The following RADX variants were observed in gnomAD, a reference collection of about 807,000 sequenced individuals.
RADX encodes the protein RPA1 related single stranded DNA binding protein, X-linked.
RADX carries 36 observed loss-of-function variants against 61.6 expected under a neutral mutation model. The observed-to-expected ratio is 0.58, with a 90% CI of 0.45 to 0.77. The LOEUF (loss-of-function observed/expected upper bound fraction) is 0.77. Ranked by LOEUF, RADX falls within the 30% of genes least tolerant of loss-of-function variation. The probability of loss-of-function intolerance (pLI) is 0.00; values close to 1 mark genes in which losing one functional copy is unlikely to be tolerated. For missense variants in RADX, 497 were observed against 651.1 expected (o/e 0.76, Z 2.58); for synonymous variants, 272 against 237.9 (o/e 1.14, Z -1.32).
At chrX:106,614,265 T>G (rs1926747039) in intron 1 of RADX, among the ~76,000 whole-genome samples, 1 of 111,865 alleles carries the variant, frequency 8.9e-6, no homozygotes, top group African/African-American at 3.2e-5. Flanking sequence ...GTTGTGTATT[T>G]TTTTAAAAAA....
rs762217023 is a variant in RADX at position 106,625,076 on chromosome X, C to T, written c.787-14C>T. 4 of 1,138,400 alleles carry T rather than the reference C, an allele frequency of 3.5e-6. No individual in the cohort carries two copies. In the East Asian group the frequency reaches 9.3e-5, roughly 26 times the overall value. The allele number at this position is 1,138,400 out of a possible 1,213,427, so 93.8% of individuals were successfully genotyped here. A position where few individuals can be genotyped will look rare whatever the true frequency, so the allele number is the denominator to read the frequency against. Reference sequence around the variant, plus strand: ...TGACAAATATGTATGTGCTTTTACTCATTTTCTTTCTAGACCTTTTTGGAA... The same window carrying T: ...TGACAAATATGTATGTGCTTTTACTTATTTTCTTTCTAGACCTTTTTGGAA... On this transcript the variant is annotated splice_polypyrimidine_tract_variant and intron_variant, in intron 2 of 13. Coordinates refer to ENST00000372548, the MANE Select transcript of RADX (RefSeq NM_018015.6).
At chrX:106,664,708 C>T (rs1338610280) in intron 12 of RADX, among the ~76,000 whole-genome samples, 1 of 109,077 alleles carries the variant, frequency 9.2e-6, no homozygotes, top group Admixed American at 9.9e-5. Flanking sequence ...CATACAGTCT[C>T]GGTGGGAGGG....
intron 11 of RADX, among the ~76,000 whole-genome samples, chrX:106,650,846 A>G (rs1273296816): frequency 8.9e-6 from 1 of 112,021 alleles, no homozygotes; most frequent in Non-Finnish European, 1.9e-5. Flanking sequence ...GTAGAATAAT[A>G]GATAAATGCA....
chrX:106,615,135 G>GGCCT (rs1306616807), intron 1 of RADX, among the ~76,000 whole-genome samples: 2 of 111,851 alleles, frequency 1.8e-5, no homozygotes, highest in Non-Finnish European at 3.8e-5. Flanking sequence ...ACTCTACCGG[G>GGCCT]GTCTGGAAGG....
chrX:106,656,135 A>G (rs944621230), intron 11 of RADX, among the ~76,000 whole-genome samples: 7 of 112,172 alleles, frequency 6.2e-5, no homozygotes, highest in Non-Finnish European at 9.4e-5. Context: ...TCATTTTAAC[A>G]GTGTTCACGA....
intron 11 of RADX, among the ~76,000 whole-genome samples, chrX:106,661,354 G>GT (rs1928087660): frequency 1.1e-5 from 1 of 92,464 alleles, no homozygotes; most frequent in African/African-American, 4.7e-5. Context: ...TTTCGTTTTT[G>GT]TTTTGTTTTT....
chrX:106,617,020 GTTTTTTTT>G (rs60413185), intron 1 of RADX, among the ~76,000 whole-genome samples: 7 of 54,544 alleles, frequency 1.3e-4, no homozygotes. Context: ...GTGTGTGTGG[GTTTTTTTT>G]TTTTTTTTTT....
intron 10 of RADX, among the ~76,000 whole-genome samples, chrX:106,642,088 T>C (rs1310034571): frequency 9.0e-6 from 1 of 111,276 alleles, no homozygotes; most frequent in Non-Finnish European, 1.9e-5. Context: ...ATTTTTAATT[T>C]ATTTTTTAAA....
intron 12 of RADX, among the ~76,000 whole-genome samples, chrX:106,662,811 A>C (rs1603058913): frequency 9.0e-6 from 1 of 111,055 alleles, no homozygotes; most frequent in East Asian, 2.8e-4. Context: ...TTATTGAAAA[A>C]ACTGCCCTTG....
chrX:106,628,056 G>A (rs750390301), intron 3 of RADX, among the ~76,000 whole-genome samples: 8 of 110,855 alleles, frequency 7.2e-5, no homozygotes, highest in Admixed American at 1.9e-4. Flanking sequence ...GGCTGTACTC[G>A]AACTCCTGAC....
chrX:106,627,530 T>A (rs1021951042), intron 3 of RADX, among the ~76,000 whole-genome samples: 4 of 111,006 alleles, frequency 3.6e-5, no homozygotes, highest in African/African-American at 1.3e-4. Flanking sequence ...TTAACTGTAG[T>A]CACCATCCAA....
chrX:106,651,375 C>T (rs191289612), intron 11 of RADX, among the ~76,000 whole-genome samples: 18 of 110,621 alleles, frequency 1.6e-4, no homozygotes, highest in South Asian at 3.8e-4. Flanking sequence ...GCAAGAGTGA[C>T]GGTGAAATAA....
Position 106,662,344 on chromosome X carries a change from A to G in RADX, c.2269+39A>G, listed in dbSNP as rs749398587. ...TCTTTTTGCATATCATTAATTTAAC[A>G]TATTTTAAATATACCTACTATTTCG... is the stretch of plus-strand genomic sequence containing the variant. On this transcript the variant is annotated intron_variant, in intron 12 of 13. Transcript: ENST00000372548. 9.4e-6 allele frequency: 10 copies of G among 1,067,072 alleles called. No individual in the cohort carries two copies. The African/African-American group carries it at 1.7e-4, about 18-fold the overall frequency. The allele number at this position is 1,067,072 out of a possible 1,213,427, so 87.9% of individuals were successfully genotyped here. A position where few individuals can be genotyped will look rare whatever the true frequency, so the allele number is the denominator to read the frequency against.
rs368340491 is a variant in RADX at position 106,621,925 on chromosome X, GTTTT to G, written c.644-710_644-707del. Among the ~76,000 whole-genome samples, 178 of 89,928 alleles carry G rather than the reference GTTTT, an allele frequency of 2.0e-3. 1 individual carries two copies. The highest frequency in any genetic ancestry group is 6.9e-3 in the African/African-American group (161 of 23,285). The allele number at this position is 89,928 out of a possible 115,157, so 78.1% of individuals were successfully genotyped here. A position where few individuals can be genotyped will look rare whatever the true frequency, so the allele number is the denominator to read the frequency against. ...AAATGTGTAATAAAACAATTCTATG[GTTTT>G]TTTTTTTTTTTTTTTGAGACAGGCT... On this transcript the variant is annotated intron_variant, in intron 1 of 13. Transcript: ENST00000372548.
At chrX:106,621,062 C>A (rs1926931839) in intron 1 of RADX, among the ~76,000 whole-genome samples, 1 of 111,902 alleles carries the variant, frequency 8.9e-6, no homozygotes, top group Non-Finnish European at 1.9e-5. Context: ...GAATTTATTC[C>A]AGACAATAAA....
intron 13 of RADX, among the ~76,000 whole-genome samples, chrX:106,677,268 T>C (rs1159799453): frequency 8.9e-6 from 1 of 112,145 alleles, no homozygotes; most frequent in Non-Finnish European, 1.9e-5. Context: ...GACTGCCCCT[T>C]ATCTGCGGAG....
intron 3 of RADX, among the ~76,000 whole-genome samples, chrX:106,631,378 A>G (rs1040130555): frequency 9.0e-5 from 10 of 111,160 alleles, no homozygotes; most frequent in Non-Finnish European, 1.9e-4. Context: ...ACAAAATAGG[A>G]TCACAACAAA....
At chrX:106,653,430 T>C (rs945265613) in intron 11 of RADX, among the ~76,000 whole-genome samples, 3 of 109,245 alleles carry the variant, frequency 2.7e-5, no homozygotes, top group Non-Finnish European at 3.8e-5. Context: ...GTAGTAAATG[T>C]TGTATATTGT....
intron 13 of RADX, among the ~76,000 whole-genome samples, chrX:106,673,346 G>A (rs777040240): frequency 2.7e-5 from 3 of 110,131 alleles, no homozygotes; most frequent in African/African-American, 9.9e-5. Flanking sequence ...AGCAGGTGAT[G>A]AATACTGCCA....
Sources: allele counts gnomAD v4.1 joint callset (sites outside exome capture counted in the v4.1 genomes callset), GRCh38; gene constraint gnomAD v4.1.1; transcripts MANE v1.5; gene names NCBI Gene and HGNC (gene_info 2026-07-23, HGNC 2026-07-21).